The following EFCAB6 variants were observed in gnomAD, a reference collection of about 807,000 sequenced individuals.
EFCAB6 encodes the protein EF-hand calcium binding domain 6.
Under a neutral mutation model 169.8 loss-of-function variants are expected in EFCAB6, and 156 were observed. The ratio of observed to expected loss-of-function variants is 0.92; its 90% CI spans 0.81 to 1.05. The LOEUF (loss-of-function observed/expected upper bound fraction) is 1.05. EFCAB6 is among the 50% of genes least tolerant of loss of function. EFCAB6 has a pLI of 0.00. For synonymous variants in EFCAB6, 698 were observed against 676.4 expected, an observed-to-expected ratio of 1.03 and a Z score of -0.50; for missense variants, 1,800 against 1,829.1, an observed-to-expected ratio of 0.98 and a Z score of 0.29.
At chr22:43,804,116 T>A (rs1901444927) in intron 2 of EFCAB6, among the ~76,000 whole-genome samples, 2 of 152,130 alleles carry the variant, frequency 1.3e-5, no homozygotes, top group African/African-American at 4.8e-5. Flanking sequence ...AGAAATCATA[T>A]CAAGTATCTT....
chr22:43,602,732 T>C (rs534407575), intron 22 of EFCAB6, among the ~76,000 whole-genome samples: 1 of 152,110 alleles, frequency 6.6e-6, no homozygotes, highest in Admixed American at 6.5e-5. Context: ...CAGGGAGCAG[T>C]GCACCTCTTT....
At chr22:43,533,053 C>G (rs2047175687) in intron 30 of EFCAB6, among the ~76,000 whole-genome samples, 1 of 152,246 alleles carries the variant, frequency 6.6e-6, no homozygotes, top group Non-Finnish European at 1.5e-5. Flanking sequence ...CATGATGGCA[C>G]TGGGTGTGGG....
intron 7 of EFCAB6, among the ~76,000 whole-genome samples, chr22:43,733,801 CG>C (rs1334693107): frequency 6.6e-6 from 1 of 152,064 alleles, no homozygotes; most frequent in African/African-American, 2.4e-5. Context: ...CTCCGCCTCC[CG>C]GGTTCAAGCG....
chr22:43,555,911 C>T (rs1473767468), intron 26 of EFCAB6, among the ~76,000 whole-genome samples: 1 of 152,204 alleles, frequency 6.6e-6, no homozygotes, highest in Non-Finnish European at 1.5e-5. Context: ...TACTGATGTG[C>T]TGGCAAGAGG....
At chr22:43,746,132 C>CGG (rs2060553801) in intron 6 of EFCAB6, among the ~76,000 whole-genome samples, 1 of 152,164 alleles carries the variant, frequency 6.6e-6, no homozygotes, top group African/African-American at 2.4e-5. Flanking sequence ...AAGCGGGAAG[C>CGG]GGGGGCCGGG....
chr22:43,807,575 G>T (rs1462681200), intron 2 of EFCAB6, among the ~76,000 whole-genome samples: 2 of 152,182 alleles, frequency 1.3e-5, no homozygotes, highest in African/African-American at 4.8e-5. Flanking sequence ...CCATCCATCT[G>T]CCTTGGCATC....
chr22:43,695,112 CA>C (rs750486951), intron 10 of EFCAB6, among the ~76,000 whole-genome samples: 77 of 152,006 alleles, frequency 5.1e-4, no homozygotes, highest in Admixed American at 1.5e-3. Flanking sequence ...AAGAAATCTA[CA>C]ACAAAAGGTC....
chr22:43,588,461 A>G (rs912214697), intron 24 of EFCAB6, among the ~76,000 whole-genome samples: 3 of 152,220 alleles, frequency 2.0e-5, no homozygotes, highest in Non-Finnish European at 4.4e-5. Flanking sequence ...AATTAGAAAT[A>G]TAAGTATGGT....
At chr22:43,752,982 T>C (rs2147842067) in intron 6 of EFCAB6, among the ~76,000 whole-genome samples, 1 of 152,290 alleles carries the variant, frequency 6.6e-6, no homozygotes, top group African/African-American at 2.4e-5. Context: ...GGGACTCACA[T>C]TTACTGACAA....
intron 5 of EFCAB6, chr22:43,759,817 G>C (rs1454981212): frequency 1.3e-5 from 2 of 152,172 alleles, no homozygotes; most frequent in Admixed American, 6.5e-5. Context: ...TACATGACAA[G>C]GTCTGGCAAG....
chr22:43,803,914 T>C (rs919081303), intron 2 of EFCAB6, among the ~76,000 whole-genome samples: 1 of 152,192 alleles, frequency 6.6e-6, no homozygotes, highest in Non-Finnish European at 1.5e-5. Flanking sequence ...GGTCTTGCTG[T>C]ATTGCCCAGA....
At chr22:43,707,662 A>G (rs933296079) in intron 10 of EFCAB6, among the ~76,000 whole-genome samples, 2 of 152,214 alleles carry the variant, frequency 1.3e-5, no homozygotes, top group African/African-American at 4.8e-5. Flanking sequence ...CTACATTTTC[A>G]TTAAAGAGTA....
At chr22:43,570,570 GAATCTCAT>G (rs1180710139) in intron 26 of EFCAB6, among the ~76,000 whole-genome samples, 2 of 151,222 alleles carry the variant, frequency 1.3e-5, no homozygotes, top group Admixed American at 1.3e-4. Context: ...CAGTTTGTGG[GAATCTCAT>G]GAGAAGGTGT....
chr22:43,585,853 A>G (rs978551819), intron 24 of EFCAB6, among the ~76,000 whole-genome samples: 2 of 152,214 alleles, frequency 1.3e-5, no homozygotes, highest in African/African-American at 4.8e-5. Flanking sequence ...AACCAAGAGG[A>G]GAGTGGACTG....
intron 20 of EFCAB6, among the ~76,000 whole-genome samples, chr22:43,618,025 C>T (rs1317767443): frequency 6.7e-6 from 1 of 149,926 alleles, no homozygotes; most frequent in African/African-American, 2.5e-5. Context: ...TCACTGGAAT[C>T]TGGGAGGCGG....
chr22:43,673,869 G>A (rs1020163359), intron 13 of EFCAB6, among the ~76,000 whole-genome samples: 7 of 150,994 alleles, frequency 4.6e-5, no homozygotes, highest in African/African-American at 1.2e-4. Flanking sequence ...AGACTAAAAC[G>A]TCATTATATG....
At chr22:43,718,956 C>T (rs2059428796) in intron 8 of EFCAB6, among the ~76,000 whole-genome samples, 1 of 152,194 alleles carries the variant, frequency 6.6e-6, no homozygotes, top group African/African-American at 2.4e-5. Flanking sequence ...GTCTAGCACA[C>T]AGAGGCCTCC....
At chr22:43,699,657 C>A (rs947330020) in intron 10 of EFCAB6, among the ~76,000 whole-genome samples, 2 of 152,168 alleles carry the variant, frequency 1.3e-5, no homozygotes, top group Non-Finnish European at 2.9e-5. Context: ...CCTCGGGAGT[C>A]ACACCCTCGC....
intron 20 of EFCAB6, among the ~76,000 whole-genome samples, chr22:43,622,652 G>A (rs1262686155): frequency 2.0e-5 from 3 of 152,134 alleles, no homozygotes; most frequent in Admixed American, 1.3e-4. Flanking sequence ...TCTTAGCGAT[G>A]TTGATTTTAA....
Sources: allele counts gnomAD v4.1 joint callset (sites outside exome capture counted in the v4.1 genomes callset), GRCh38; gene constraint gnomAD v4.1.1; transcripts MANE v1.5; gene names NCBI Gene and HGNC (gene_info 2026-07-23, HGNC 2026-07-21).